NSUN7: variants seen among roughly 807,000 people sequenced by gnomAD.
NSUN7 encodes NOP2/Sun RNA methyltransferase family member 7.
NSUN7 carries 39 observed loss-of-function variants against 58.5 expected under a neutral mutation model. The ratio of observed to expected loss-of-function variants is 0.67; its 90% confidence interval spans 0.52 to 0.87. NSUN7 has a LOEUF of 0.87. NSUN7 is among the 40% of genes least tolerant of loss of function. The pLI, the probability that NSUN7 is intolerant of heterozygous loss-of-function variation, is 0.00. For missense variants in NSUN7, 765 were observed against 844.1 expected, an observed-to-expected ratio of 0.91 and a Z score of 1.16; for synonymous variants, 278 against 303.7, an observed-to-expected ratio of 0.92 and a Z score of 0.88.
intron 2 of NSUN7, among the ~76,000 whole-genome samples, chr4:40,756,744 G>A (rs372454841): frequency 6.6e-6 from 1 of 152,156 alleles, no homozygotes. Context: ...ATTAATATAT[G>A]AAATGCACTT....
intron 7 of NSUN7, chr4:40,786,218 T>A: frequency 1.2e-6 from 2 of 1,614,008 alleles, no homozygotes; most frequent in East Asian, 2.2e-5. Context: ...AAGACAACTG[T>A]CTTATACAGG....
intron 7 of NSUN7, among the ~76,000 whole-genome samples, chr4:40,780,442 T>C (rs1296434350): frequency 6.6e-6 from 1 of 151,790 alleles, no homozygotes; most frequent in African/African-American, 2.4e-5. Context: ...ACCCTATTTC[T>C]ATCAAAAATA....
chr4:40,803,751 TAG>T (rs1743703627), intron 10 of NSUN7, among the ~76,000 whole-genome samples: 1 of 152,238 alleles, frequency 6.6e-6, no homozygotes, highest in East Asian at 1.9e-4. Flanking sequence ...TGATAAGAGT[TAG>T]GAGTCCAAAT....
intron 7 of NSUN7, among the ~76,000 whole-genome samples, chr4:40,783,772 C>T (rs1167196441): frequency 6.6e-6 from 1 of 151,742 alleles, no homozygotes; most frequent in African/African-American, 2.4e-5. Context: ...CACTTGGACC[C>T]AGAAGGTGGA....
chr4:40,801,626 G>A (rs1743585220), intron 10 of NSUN7, among the ~76,000 whole-genome samples: 1 of 152,084 alleles, frequency 6.6e-6, no homozygotes, highest in Admixed American at 6.5e-5. Flanking sequence ...GGTTGAGCAT[G>A]GTGGCTCACG....
intron 10 of NSUN7, among the ~76,000 whole-genome samples, chr4:40,801,426 ATTAT>A (rs961342006): frequency 4.6e-5 from 7 of 152,158 alleles, no homozygotes; most frequent in African/African-American, 1.7e-4. Context: ...TATAGTTGTT[ATTAT>A]TTATTTATAA....
intron 2 of NSUN7, among the ~76,000 whole-genome samples, chr4:40,754,307 C>T (rs1741015705): frequency 6.6e-6 from 1 of 152,016 alleles, no homozygotes; most frequent in Admixed American, 6.6e-5. Context: ...CCACCATGCC[C>T]AGCTAATTTT....
At chr4:40,763,915 G>A (rs546285019) in intron 4 of NSUN7, among the ~76,000 whole-genome samples, 5 of 152,088 alleles carry the variant, frequency 3.3e-5, no homozygotes, top group African/African-American at 9.6e-5. Context: ...CTCAATTCAC[G>A]TTATACTCAA....
intron 4 of NSUN7, among the ~76,000 whole-genome samples, chr4:40,772,216 C>A (rs1050957994): frequency 6.6e-6 from 1 of 152,096 alleles, no homozygotes; most frequent in Non-Finnish European, 1.5e-5. Flanking sequence ...TATTTCTCAG[C>A]TTCATATTTT....
intron 10 of NSUN7, among the ~76,000 whole-genome samples, chr4:40,799,260 A>AT (rs1379124442): frequency 6.6e-6 from 1 of 151,476 alleles, no homozygotes; most frequent in Non-Finnish European, 1.5e-5. Context: ...TAATTTTTGT[A>AT]TTTTTAGTAG....
At chr4:40,777,097 G>T (rs1742306894) in intron 7 of NSUN7, among the ~76,000 whole-genome samples, 1 of 152,148 alleles carries the variant, frequency 6.6e-6, no homozygotes. Flanking sequence ...GAGGTAGCCT[G>T]GTAAATACTC....
At chr4:40,804,453 A>G (rs1399289743) in intron 10 of NSUN7, among the ~76,000 whole-genome samples, 1 of 151,934 alleles carries the variant, frequency 6.6e-6, no homozygotes, top group South Asian at 2.1e-4. Context: ...AAAAAAAAAA[A>G]TCACTAATGG....
At position 40,808,942 on chromosome 4, in the gene NSUN7, G is replaced by GTCT; in HGVS notation, c.*5_*7dup. 1 of 1,506,496 alleles carries GTCT rather than the reference G, an allele frequency of 6.6e-7. No individual in the cohort carries two copies. Among genetic ancestry groups the GTCT allele is most frequent in the East Asian group, 2.5e-5 (1 of 40,346 alleles). The allele number at this position is 1,506,496 out of a possible 1,614,324, so 93.3% of individuals were successfully genotyped here. A position where few individuals can be genotyped will look rare whatever the true frequency, so the allele number is the denominator to read the frequency against. On this transcript the variant is annotated 3_prime_UTR_variant, in exon 12 of 12. Coordinates refer to ENST00000381782, the MANE Select transcript of NSUN7 (RefSeq NM_024677.6). The stretch of plus-strand genomic sequence containing the variant: ...GGCCTCCTCGGCGATGGCTTTGATT[G>GTCT]TCTTGTGTTTTTTATAGGGGCCAAA...
At chr4:40,770,722 A>G (rs1157236721) in intron 4 of NSUN7, among the ~76,000 whole-genome samples, 2 of 152,248 alleles carry the variant, frequency 1.3e-5, no homozygotes, top group African/African-American at 4.8e-5. Context: ...AGAAGTAGTA[A>G]AAAGCCAAAA....
chr4:40,766,028 C>G (rs1741707075), intron 4 of NSUN7, among the ~76,000 whole-genome samples: 1 of 152,160 alleles, frequency 6.6e-6, no homozygotes, highest in African/African-American at 2.4e-5. Flanking sequence ...CATCTGCAAA[C>G]AGGGACAATT....
At chr4:40,767,083 T>C (rs1363248399) in intron 4 of NSUN7, among the ~76,000 whole-genome samples, 1 of 151,566 alleles carries the variant, frequency 6.6e-6, no homozygotes, top group Non-Finnish European at 1.5e-5. Context: ...TCTATTTCCT[T>C]CAGTTCTGCT....
At chr4:40,792,684 G>A (rs1392729269) in intron 8 of NSUN7, among the ~76,000 whole-genome samples, 47 of 152,098 alleles carry the variant, frequency 3.1e-4, no homozygotes, top group Non-Finnish European at 3.5e-4. Context: ...CCCGGGGGGC[G>A]GAGCCTGCAG....
chr4:40,774,452 T>C (rs1341470441), intron 5 of NSUN7, 35 bp downstream of exon 5: 1 of 1,588,090 alleles, frequency 6.3e-7, no homozygotes, highest in Non-Finnish European at 8.6e-7. Flanking sequence ...ATATTTCAAG[T>C]CTCCATCCTT....
In NSUN7 at chr4:40,808,902, C is replaced by T. The variant is rs572703149; in HGVS notation, c.2120C>T (p.Pro707Leu). ...RKEEKPKDDT[P>L]SSLLRPPRRW... Reference sequence around the variant, plus strand: ...GAGGAAAAGCCTAAAGATGACACACCTTCCTCCCTACTCAGGCCTCCTCGG... The same window carrying T: ...GAGGAAAAGCCTAAAGATGACACACTTTCCTCCCTACTCAGGCCTCCTCGG... Residue 707 changes from proline to leucine, a missense_variant, in exon 12 of 12, where the codon CCT becomes CTT. Physicochemically the swap from Pro to Leu is moderately conservative, Grantham distance 98 (BLOSUM62 -3). Coordinates refer to ENST00000381782, the MANE Select transcript of NSUN7 (RefSeq NM_024677.6). 1.2e-5 allele frequency: 18 copies of T among 1,541,052 alleles called. No homozygotes were observed. The East Asian group carries it at 4.2e-4, about 36-fold the overall frequency.
Sources: allele counts gnomAD v4.1 joint callset (sites outside exome capture counted in the v4.1 genomes callset), GRCh38; gene constraint gnomAD v4.1.1; transcripts MANE v1.5; gene names NCBI Gene and HGNC (gene_info 2026-07-23, HGNC 2026-07-21).